Variants in ADCY10 observed in about 807,000 individuals in gnomAD.
The protein encoded by ADCY10 is adenylate cyclase 10.
Under a neutral mutation model 183.3 loss-of-function variants are expected in ADCY10, and 156 were observed. The observed-to-expected ratio is 0.85, with a 90% confidence interval of 0.75 to 0.97. The LOEUF is 0.97. Ranked by LOEUF, ADCY10 falls within the 50% of genes least tolerant of loss-of-function variation. ADCY10 has a pLI of 0.00. For missense variants in ADCY10, 1,745 were observed against 1,934.3 expected (o/e 0.90, Z 1.84); for synonymous variants, 645 against 670.0 (o/e 0.96, Z 0.58).
chr1:167,891,440 A>C (rs1168504962), intron 8 of ADCY10, among the ~76,000 whole-genome samples: 1 of 151,576 alleles, frequency 6.6e-6, no homozygotes, highest in Admixed American at 6.6e-5. Flanking sequence ...GAAGATCACG[A>C]GGTCAGGAGA....
At chr1:167,822,621 A>G (rs1296885343) in intron 29 of ADCY10, among the ~76,000 whole-genome samples, 1 of 152,098 alleles carries the variant, frequency 6.6e-6, no homozygotes, top group African/African-American at 2.4e-5. Flanking sequence ...CCAGCCTGGA[A>G]CTCTCACCTC....
At chr1:167,824,136 C>G (rs1208374879) in intron 28 of ADCY10, among the ~76,000 whole-genome samples, 1 of 152,082 alleles carries the variant, frequency 6.6e-6, no homozygotes, top group African/African-American at 2.4e-5. Flanking sequence ...GCCTGGCCAA[C>G]AGGGTGAAAC....
chr1:167,907,534 T>C (rs985002737), intron 1 of ADCY10, among the ~76,000 whole-genome samples: 1 of 152,228 alleles, frequency 6.6e-6, no homozygotes, highest in African/African-American at 2.4e-5. Flanking sequence ...TCACTTTTAC[T>C]CATGGCATTG....
Position 167,836,346 on chromosome 1 carries a change from A to G in ADCY10, c.3272T>C (p.Ile1091Thr). 1 of 1,614,040 alleles carries G rather than the reference A, an allele frequency of 6.2e-7. No homozygotes were observed. Among genetic ancestry groups the G allele is most frequent in the East Asian group, 2.2e-5 (1 of 44,868 alleles). ...NDKALYYFLE[I>T]ASAYLIFCDN... ...ACAAAAGATGAGATAAGCAGATGCA[A>G]TTTCTAAGAAGTAATATAAGGCTTT... is the stretch of plus-strand genomic sequence containing the variant. The change falls in exon 23 of 33, where the codon ATT (isoleucine) becomes ACT (threonine). Residue 1091 changes from isoleucine (I) to threonine (T), a missense_variant. Coordinates refer to ENST00000367851, the MANE Select transcript of ADCY10 (RefSeq NM_018417.6).
chr1:167,814,501 G>A (rs868596691), intron 31 of ADCY10, among the ~76,000 whole-genome samples: 11 of 151,216 alleles, frequency 7.3e-5, no homozygotes, highest in South Asian at 4.2e-4. Flanking sequence ...CAATAAGATC[G>A]TCAATATATA....
chr1:167,909,919 G>C (rs1262801077), intron 1 of ADCY10, among the ~76,000 whole-genome samples: 1 of 151,690 alleles, frequency 6.6e-6, no homozygotes, highest in Non-Finnish European at 1.5e-5. Flanking sequence ...TCAGTGGCAA[G>C]ACCAGCCGGC....
chr1:167,856,041 A>C, intron 17 of ADCY10, 124 bp downstream of exon 17: 1 of 1,125,846 alleles, frequency 8.9e-7, no homozygotes, highest in Non-Finnish European at 1.3e-6. Flanking sequence ...AATTTTTTAA[A>C]AGGTGGGGCC....
At chr1:167,843,726 G>T (rs1400298492) in intron 21 of ADCY10, among the ~76,000 whole-genome samples, 1 of 152,150 alleles carries the variant, frequency 6.6e-6, no homozygotes, top group Non-Finnish European at 1.5e-5. Context: ...ATGGCAGCTT[G>T]ATCCCAATGC....
rs1429100263 is a variant in ADCY10 at position 167,848,442 on chromosome 1, T to G, written c.2356A>C (p.Ser786Arg). ...CAGACTTCTTCACTTTCCTTATCAC[T>G]ATGGAGAGTAACCATGTTTAACTTC... ...TEKLNMVTLH[S>R]DKESEEVCHL... The change falls in exon 19 of 33, where the codon AGT becomes CGT. Residue 786 changes from serine (S) to arginine (R), a missense_variant. Ser to Arg is a moderately radical substitution (Grantham distance 110). Coordinates refer to ENST00000367851, the MANE Select transcript of ADCY10 (RefSeq NM_018417.6). 6.2e-7 allele frequency: 1 copy of G among 1,613,650 alleles called. No individual in the cohort carries two copies. Among genetic ancestry groups the G allele is most frequent in the Non-Finnish European group, 8.5e-7 (1 of 1,179,566 alleles).
intron 5 of ADCY10, among the ~76,000 whole-genome samples, 153 bp from the exon 6 acceptor site, chr1:167,899,781 T>G (rs1027865485): frequency 4.6e-5 from 7 of 152,214 alleles, no homozygotes; most frequent in African/African-American, 9.7e-5. Flanking sequence ...ATGGCATACC[T>G]CTTTTGGGCT....
chr1:167,864,860 C>T (rs1034891503), intron 14 of ADCY10, among the ~76,000 whole-genome samples: 1 of 143,166 alleles, frequency 7.0e-6, no homozygotes, highest in African/African-American at 2.7e-5. Context: ...GGCCCAGATG[C>T]ATTCAATCTG....
chr1:167,895,860 A>G (rs557350139), intron 7 of ADCY10, among the ~76,000 whole-genome samples: 1 of 152,366 alleles, frequency 6.6e-6, no homozygotes, highest in South Asian at 2.1e-4. Context: ...TAGAAGGTCA[A>G]AGACAGATAC....
At chr1:167,893,342 A>G (rs1352538869) in intron 8 of ADCY10, among the ~76,000 whole-genome samples, 1 of 152,208 alleles carries the variant, frequency 6.6e-6, no homozygotes, top group Non-Finnish European at 1.5e-5. Flanking sequence ...CTGTTGTCAT[A>G]TTATAATTAT....
At chr1:167,845,247 C>G (rs1039082268) in intron 21 of ADCY10, among the ~76,000 whole-genome samples, 1 of 152,288 alleles carries the variant, frequency 6.6e-6, no homozygotes, top group South Asian at 2.1e-4. Context: ...ATTGTACCCC[C>G]CTTTGGATTC....
rs1441222323 is a variant in ADCY10 at position 167,899,521 on chromosome 1, C to T, written c.544G>A (p.Ala182Thr). The change falls in exon 6 of 33, where the codon GCT becomes ACT. Residue 182 changes from alanine to threonine, a missense_variant. By Grantham distance (58) the Ala-to-Thr change is moderately conservative (BLOSUM62 0). Coordinates refer to ENST00000367851, the MANE Select transcript of ADCY10 (RefSeq NM_018417.6). ...GACAGAATAACATCATTCATCTGAG[C>T]CATGTTCTGGGCAAGGCGCACATCG... is the stretch of plus-strand genomic sequence containing the variant. ...VDDVRLAQNM[A>T]QMNDVILSPN... The T allele has an allele frequency of 1.2e-6, 2 of 1,614,086 alleles. No individual in the cohort carries two copies. The highest frequency in any genetic ancestry group is 1.7e-6 in the Non-Finnish European group (2 of 1,180,040).
intron 21 of ADCY10, among the ~76,000 whole-genome samples, chr1:167,839,741 A>T (rs1287621970): frequency 6.6e-6 from 1 of 152,232 alleles, no homozygotes; most frequent in African/African-American, 2.4e-5. Flanking sequence ...ATAATAAAAT[A>T]AAAATTGATA....
chr1:167,876,033 G>A (rs1378616516), intron 12 of ADCY10, among the ~76,000 whole-genome samples: 1 of 152,152 alleles, frequency 6.6e-6, no homozygotes, highest in South Asian at 2.1e-4. Flanking sequence ...GAGGCAGGTG[G>A]ATCATCTGAG....
intron 8 of ADCY10, among the ~76,000 whole-genome samples, chr1:167,891,428 G>A (rs1668579054): frequency 1.3e-5 from 2 of 151,672 alleles, no homozygotes; most frequent in Middle Eastern, 3.4e-3. Context: ...AGGCTGAGGC[G>A]GGAAGATCAC....
Position 167,887,663 on chromosome 1 carries a change from T to A in ADCY10, c.829-4035A>T, listed in dbSNP as rs540688295. On this transcript the variant is annotated intron_variant, in intron 8 of 32. Transcript: ENST00000367851. ...TACATAACGTAACAAACCTGCACAT[T>A]GTGCACATGTACCCTAGAACTTAAA... is the stretch of plus-strand genomic sequence containing the variant. Among the ~76,000 whole-genome samples, 3 of 151,968 alleles carry A rather than the reference T, an allele frequency of 2.0e-5. No individual in the cohort carries two copies. In the South Asian group the frequency reaches 6.2e-4, roughly 32 times the overall value.
Sources: gnomAD v4.1 joint callset for allele counts (sites outside exome capture counted in the v4.1 genomes callset) on GRCh38, gnomAD v4.1.1 for gene constraint, MANE v1.5 for transcripts, NCBI Gene and HGNC (gene_info 2026-07-23, HGNC 2026-07-21) for gene names.